Variants in MSANTD7 observed in about 807,000 individuals in gnomAD.
MSANTD7 encodes Myb/SANT DNA binding domain containing 7.
the MSANTD7 span, among the ~76,000 whole-genome samples, chr10:14,838,788 TGGGTGTCCCGGGGGGTCCCGGGGACGGC>T: frequency 5.9e-5 from 9 of 151,670 alleles, no homozygotes; most frequent in African/African-American, 2.2e-4. Context: ...GCGGGGCCGC[TGGGTGTCCCGGGGGGTCCCGGGGACGGC>T]GGGGCTGCGA....
At chr10:14,843,582 G>A in the MSANTD7 span, 1 of 1,550,644 alleles carries the variant, frequency 6.4e-7, no homozygotes. Flanking sequence ...GTGGGGATAG[G>A]CCCTTGACCA....
At chr10:14,846,564 C>A in the MSANTD7 span, 1 of 984,292 alleles carries the variant, frequency 1.0e-6, no homozygotes, top group South Asian at 4.7e-5. Flanking sequence ...GTGGTAGACC[C>A]AACCATTACT....
At chr10:14,839,971 T>C in the MSANTD7 span, 1 of 1,611,780 alleles carries the variant, frequency 6.2e-7, no homozygotes, top group Non-Finnish European at 8.5e-7. Flanking sequence ...TGTTGCTTAC[T>C]CAGAAAATGA....
chr10:14,844,837 G>T, the MSANTD7 span: 1 of 985,352 alleles, frequency 1.0e-6, no homozygotes, highest in Non-Finnish European at 1.2e-6. Context: ...GATTATATCA[G>T]TTTCCCATCC....
At chr10:14,838,440 C>A in the MSANTD7 span, 1 of 1,606,156 alleles carries the variant, frequency 6.2e-7, no homozygotes, top group Non-Finnish European at 8.5e-7. Flanking sequence ...TGCACCTCAG[C>A]CTGTGTGGCC....
the MSANTD7 span, chr10:14,839,793 T>C: frequency 1.6e-6 from 1 of 623,140 alleles, no homozygotes; most frequent in Admixed American, 2.5e-5. Context: ...AAGTTTAAAA[T>C]ATTGAGATAG....
the MSANTD7 span, chr10:14,844,866 T>A: frequency 1.0e-6 from 1 of 985,450 alleles, no homozygotes; most frequent in Middle Eastern, 5.2e-4. Context: ...GCTGATTTCA[T>A]TCTTTTCTGT....
At chr10:14,845,611 TGAGAAAAAG>T in the MSANTD7 span, 1 of 815,878 alleles carries the variant, frequency 1.2e-6, no homozygotes, top group South Asian at 5.6e-5. Context: ...TTTTTTTTTT[TGAGAAAAAG>T]TCTCACTGTT....
the MSANTD7 span, chr10:14,843,650 C>T: frequency 6.5e-7 from 1 of 1,549,716 alleles, no homozygotes; most frequent in South Asian, 1.2e-5. Context: ...AGGACTATCG[C>T]AGCCGAGTTG....
the MSANTD7 span, chr10:14,842,127 C>CT: frequency 6.5e-7 from 1 of 1,530,834 alleles, no homozygotes; most frequent in Middle Eastern, 1.7e-4. The surrounding 1 kb of genome is among the most constrained non-coding windows in gnomAD (Gnocchi z 5.2). Flanking sequence ...CCCCTGTGGC[C>CT]TTCCAGCCAG....
At chr10:14,842,694 G>T in the MSANTD7 span, 2 of 1,536,374 alleles carry the variant, frequency 1.3e-6, no homozygotes, top group East Asian at 2.4e-5. The surrounding 1 kb of genome is among the most constrained non-coding windows in gnomAD (Gnocchi z 5.2). Context: ...GAGGGAACCG[G>T]CATTCTAAAA....
the MSANTD7 span, chr10:14,845,255 C>T: frequency 2.0e-6 from 2 of 984,890 alleles, no homozygotes; most frequent in Non-Finnish European, 2.4e-6. Flanking sequence ...TTTAGGAATA[C>T]AAATAGGAAT....
the MSANTD7 span, chr10:14,845,885 C>T: frequency 2.3e-6 from 1 of 433,946 alleles, no homozygotes; most frequent in Non-Finnish European, 3.1e-6. Flanking sequence ...ATTTCTTTAT[C>T]TCCGGATTGA....
At chr10:14,838,649 C>G in the MSANTD7 span, 3 of 559,260 alleles carry the variant, frequency 5.4e-6, no homozygotes, top group African/African-American at 2.0e-5. Flanking sequence ...TCCGGAAAGT[C>G]GTCTACTCCG....
the MSANTD7 span, chr10:14,843,555 A>T: frequency 6.4e-7 from 1 of 1,550,594 alleles, no homozygotes; most frequent in Non-Finnish European, 8.7e-7. Context: ...CCTCTTCGAG[A>T]GCTGGTTTTG....
chr10:14,840,347 G>T, the MSANTD7 span, among the ~76,000 whole-genome samples: 1 of 152,124 alleles, frequency 6.6e-6, no homozygotes, highest in Non-Finnish European at 1.5e-5. Context: ...TCTGATATGG[G>T]ATTCACTCAG....
chr10:14,843,793 G>A, the MSANTD7 span: 17 of 1,536,316 alleles, frequency 1.1e-5, no homozygotes, highest in Middle Eastern at 1.7e-4. Flanking sequence ...TGCTGTCATC[G>A]CAGTCAGACG....
chr10:14,838,612 A>C, the MSANTD7 span: 1 of 702,998 alleles, frequency 1.4e-6, no homozygotes, highest in Non-Finnish European at 2.2e-6. Context: ...AGGGCCGGGC[A>C]GGCCCGGCCT....
chr10:14,844,655 G>A, the MSANTD7 span: 2 of 982,094 alleles, frequency 2.0e-6, no homozygotes, highest in Non-Finnish European at 2.4e-6. Context: ...CCAGGGAGCC[G>A]CCATTGTGTG....
Sources: gnomAD v4.1 joint callset for allele counts (sites outside exome capture counted in the v4.1 genomes callset) on GRCh38, gnomAD v4.1.1 for gene constraint, Gnocchi (gnomAD v3.1) non-coding constraint, MANE v1.5 for transcripts, NCBI Gene and HGNC (gene_info 2026-07-23, HGNC 2026-07-21) for gene names.